DGKG: variants seen among roughly 807,000 people sequenced by gnomAD.
DGKG encodes DAG kinase gamma.
A neutral mutation model predicts 105.3 loss-of-function variants in DGKG; 78 were observed. That is an observed-to-expected ratio of 0.74 (90% CI 0.62 to 0.89). The LOEUF is 0.89. DGKG is among the 40% of genes least tolerant of loss of function. The probability of loss-of-function intolerance (pLI) is 0.00; values close to 1 mark genes in which losing one functional copy is unlikely to be tolerated. For missense variants in DGKG, 958 were observed against 1,020.1 expected, an observed-to-expected ratio of 0.94 and a Z score of 0.83; for synonymous variants, 346 against 367.1, an observed-to-expected ratio of 0.94 and a Z score of 0.66.
rs1279591555 is a variant in DGKG, at chr3:186,355,301, T to C, written c.-249+6645A>G. On this transcript the variant is annotated intron_variant, in intron 1 of 24. Coordinates refer to ENST00000265022, the MANE Select transcript of DGKG (RefSeq NM_001346.3). ...GCACGATCATCATCACCACCATTATTGTCACCCCCCACCACCACTACCATC... is the reference window on the plus strand; with the variant it reads ...GCACGATCATCATCACCACCATTATCGTCACCCCCCACCACCACTACCATC... 2.6e-3 allele frequency among the ~76,000 whole-genome samples: 62 copies of C among 24,024 alleles called. No homozygotes were observed. The East Asian group carries it at 0.035, about 14-fold the overall frequency. The allele number at this position is 24,024 out of a possible 152,430, so 15.8% of individuals were successfully genotyped here.
At chr3:186,335,131 G>A (rs959014036) in intron 1 of DGKG, among the ~76,000 whole-genome samples, 4 of 152,136 alleles carry the variant, frequency 2.6e-5, no homozygotes, top group African/African-American at 4.8e-5. Flanking sequence ...GAGTGCAGTG[G>A]CGCGATCTCA....
At position 186,237,323 on chromosome 3, in the gene DGKG, T is replaced by C. The variant is rs1353658445; in HGVS notation, c.1826+5181A>G. ...TAAGAGGGCTCAGTGCTTAGTTTAATGCTTTGCTGTCCCATTTTTGAGGAA... is the reference window on the plus strand; with the variant it reads ...TAAGAGGGCTCAGTGCTTAGTTTAACGCTTTGCTGTCCCATTTTTGAGGAA... On this transcript the variant is annotated intron_variant, in intron 20 of 24. Coordinates refer to ENST00000265022, the MANE Select transcript of DGKG (RefSeq NM_001346.3). Among the ~76,000 whole-genome samples, 5 of 152,232 alleles carry C rather than the reference T, an allele frequency of 3.3e-5. No homozygotes were observed. In the South Asian group the frequency reaches 1.0e-3, roughly 32 times the overall value.
chr3:186,320,446 C>A lies in DGKG; in HGVS notation c.14G>T (p.Arg5Leu). MGEE[R>L]WVSLTPEEFD... Reference sequence around the variant, plus strand: ...TTCTTCTGGAGTGAGGGAGACCCACCGTTCTTCACCCATTTTTAAACTTTA... The same window carrying A: ...TTCTTCTGGAGTGAGGGAGACCCACAGTTCTTCACCCATTTTTAAACTTTA... The change falls in exon 2 of 25, where the codon CGG becomes CTG. Residue 5 changes from arginine to leucine, a missense_variant. Arg to Leu is a moderately radical substitution (Grantham distance 102). This residue lies in a region of DGKG where 643 missense variants were observed against 619.5 expected (regional missense o/e 1.04). Transcript: ENST00000265022. 6.2e-7 allele frequency: 1 copy of A among 1,614,116 alleles called. No individual in the cohort carries two copies. Among genetic ancestry groups the A allele is most frequent in the Non-Finnish European group, 8.5e-7 (1 of 1,179,986 alleles).
At chr3:186,260,372 G>A in intron 16 of DGKG, 67 bp downstream of exon 16, 2 of 1,134,682 alleles carry the variant, frequency 1.8e-6, no homozygotes, top group Admixed American at 2.0e-5. Flanking sequence ...GGTGACAAAA[G>A]AGGCATCTTC....
intron 24 of DGKG, chr3:186,160,444 CA>C: frequency 1.0e-6 from 1 of 985,320 alleles, no homozygotes; most frequent in Non-Finnish European, 1.2e-6. Context: ...CTAACTCCAG[CA>C]AGGTGGAAAG....
intron 19 of DGKG, chr3:186,242,785 C>T: frequency 2.2e-6 from 1 of 465,048 alleles, no homozygotes; most frequent in East Asian, 3.3e-5. Flanking sequence ...CAGCCTATGC[C>T]AGTTGACTCT....
At chr3:186,341,674 T>G (rs1235845436) in intron 1 of DGKG, among the ~76,000 whole-genome samples, 2 of 152,108 alleles carry the variant, frequency 1.3e-5, no homozygotes, top group African/African-American at 4.8e-5. Flanking sequence ...GGGTTGTTTG[T>G]TTTTTTCTTG....
chr3:186,335,511 C>T (rs1456126657), intron 1 of DGKG, among the ~76,000 whole-genome samples: 2 of 152,236 alleles, frequency 1.3e-5, no homozygotes, highest in African/African-American at 2.4e-5. Context: ...CTGGGGAATG[C>T]CTTTTGTTTT....
In DGKG at chr3:186,203,642, G is replaced by A. The variant is rs150767382; in HGVS notation, c.1917+8153C>T. ...CTGGAATGAGGGAGCTGCTGGACTG[G>A]ATTGAGGAAGGGGAATAAACTAGAA... On this transcript the variant is annotated intron_variant, in intron 21 of 24. Transcript: ENST00000265022. This position sits in a 1 kb window ranked among gnomAD's most constrained non-coding sequence, Gnocchi z 4.9. Among the ~76,000 whole-genome samples the A allele has an allele frequency of 6.6e-6, 1 of 152,326 alleles. No individual in the cohort carries two copies. Among genetic ancestry groups the A allele is most frequent in the African/African-American group, 2.4e-5 (1 of 41,566 alleles).
chr3:186,351,268 C>T (rs1383320317), intron 1 of DGKG, among the ~76,000 whole-genome samples: 2 of 152,052 alleles, frequency 1.3e-5, no homozygotes, highest in African/African-American at 4.8e-5. Flanking sequence ...CAAATATTCC[C>T]AAATATTTTT....
chr3:186,267,686 C>A lies in DGKG; in HGVS notation c.1208G>T (p.Arg403Leu). Residue 403 changes from arginine to leucine, a missense_variant and splice_region_variant, in exon 13 of 25, where the codon CGG becomes CTG. Around this residue, in one of 2 missense-constraint regions of DGKG, gnomAD observed 643 missense variants for 619.5 expected, o/e 1.04. Coordinates refer to ENST00000265022, the MANE Select transcript of DGKG (RefSeq NM_001346.3). ...CCTCGCCGGGGCAGGAGCACTTACC[C>A]GGGTGATGGGGCATATGGAGGTGGG... ...LLPTSICPIT[R>L]DRPGEKSDGC... 3.7e-6 allele frequency: 6 copies of A among 1,613,760 alleles called. No homozygotes were observed. The highest frequency in any genetic ancestry group is 5.1e-6 in the Non-Finnish European group (6 of 1,179,696).
chr3:186,315,076 T>G (rs1314540551), intron 2 of DGKG, among the ~76,000 whole-genome samples: 1 of 152,072 alleles, frequency 6.6e-6, no homozygotes. Context: ...AGAAACCAAG[T>G]ATTGGAGGAG....
At chr3:186,319,346 C>A (rs1724969305) in intron 2 of DGKG, among the ~76,000 whole-genome samples, 1 of 152,122 alleles carries the variant, frequency 6.6e-6, no homozygotes, top group Non-Finnish European at 1.5e-5. Context: ...CAGGGATGTT[C>A]AGGGATGTCA....
Position 186,287,236 on chromosome 3 carries a change from G to A in DGKG, c.544+1474C>T, listed in dbSNP as rs1319931693. Among the ~76,000 whole-genome samples, 17 of 152,000 alleles carry A rather than the reference G, an allele frequency of 1.1e-4. 1 individual carries two copies. The highest frequency in any genetic ancestry group is 7.9e-4 in the Admixed American group (12 of 15,252). On this transcript the variant is annotated intron_variant, in intron 6 of 24. Transcript: ENST00000265022. Reference sequence around the variant, plus strand: ...ACTGACTATTTGATAATAGCAAAAGGAATCATTTTCTTTAGCTGTAATGAT... The same window carrying A: ...ACTGACTATTTGATAATAGCAAAAGAAATCATTTTCTTTAGCTGTAATGAT...
chr3:186,209,093 C>CT (rs34226259), intron 21 of DGKG, among the ~76,000 whole-genome samples: 17,556 of 89,642 alleles, frequency 0.2, 1,823 homozygotes, highest in Middle Eastern at 0.23. Context: ...GTTTACTCTT[C>CT]TTTTTTTTTT....
intron 24 of DGKG, among the ~76,000 whole-genome samples, 183 bp from the exon 25 acceptor site, chr3:186,150,371 G>A (rs1479648101): frequency 1.3e-5 from 2 of 152,116 alleles, no homozygotes; most frequent in African/African-American, 2.4e-5. Context: ...AGTTTGGCAC[G>A]GCTGGAAGTG....
At chr3:186,358,241 G>A (rs1245638809) in intron 1 of DGKG, among the ~76,000 whole-genome samples, 1 of 152,268 alleles carries the variant, frequency 6.6e-6, no homozygotes, top group African/African-American at 2.4e-5. Flanking sequence ...ATAGTTCAGT[G>A]GGAGATATGC....
intron 14 of DGKG, 134 bp from the exon 15 acceptor site, chr3:186,261,912 G>T: frequency 1.6e-6 from 1 of 606,648 alleles, no homozygotes. Flanking sequence ...TTTTCCACTG[G>T]CTGAATTTTC....
At chr3:186,229,458 T>A (rs934256376) in intron 20 of DGKG, among the ~76,000 whole-genome samples, 4 of 152,146 alleles carry the variant, frequency 2.6e-5, no homozygotes, top group Non-Finnish European at 5.9e-5. Flanking sequence ...TTGGCCAGGC[T>A]GGTCTTGAAC....
Sources: allele counts gnomAD v4.1 joint callset (sites outside exome capture counted in the v4.1 genomes callset), GRCh38; gene constraint gnomAD v4.1.1; regional missense constraint gnomAD v4.1.1; non-coding constraint Gnocchi (gnomAD v3.1); transcripts MANE v1.5; gene names NCBI Gene and HGNC (gene_info 2026-07-23, HGNC 2026-07-21).